LRRC37A2: variants seen among roughly 807,000 people sequenced by gnomAD.
The protein encoded by LRRC37A2 is leucine-rich repeat-containing protein 37A2.
LRRC37A2 carries 9 observed loss-of-function variants against 68.8 expected under a neutral mutation model. The observed-to-expected ratio is 0.13, with a 90% CI of 0.08 to 0.23. The LOEUF (loss-of-function observed/expected upper bound fraction) is 0.23, where lower values mean the gene tolerates loss of function less well. LRRC37A2 is among the 10% of genes least tolerant of loss of function. The probability of loss-of-function intolerance (pLI) is 1.00; values close to 1 mark genes in which losing one functional copy is unlikely to be tolerated. For synonymous variants in LRRC37A2, 63 were observed against 367.6 expected (o/e 0.17, Z 9.48); for missense variants, 168 against 950.4 (o/e 0.18, Z 10.82).
At chr17:46,610,033 C>T in the LRRC37A2 span, among the ~76,000 whole-genome samples, 14 of 91,200 alleles carry the variant, frequency 1.5e-4, no homozygotes, top group African/African-American at 4.4e-4. Context: ...TTCTTTCTCT[C>T]TCTCTCTCTC....
chr17:46,796,251 G>A, the LRRC37A2 span, among the ~76,000 whole-genome samples: 129,274 of 152,266 alleles, frequency 0.85, 55,406 homozygotes, highest in East Asian at 0.94. Flanking sequence ...TAAAGCTTTT[G>A]TCACAGTCCC....
the LRRC37A2 span, among the ~76,000 whole-genome samples, chr17:46,810,274 C>G: frequency 6.6e-6 from 1 of 152,138 alleles, no homozygotes; most frequent in Admixed American, 6.5e-5. Context: ...TCCCAAAGTG[C>G]TGGGATTACA....
chr17:46,739,731 GA>G, the LRRC37A2 span, among the ~76,000 whole-genome samples: 2 of 142,006 alleles, frequency 1.4e-5, no homozygotes, highest in Admixed American at 1.4e-4. Flanking sequence ...CTTTTTTTCT[GA>G]TTTTTTTTTT....
At chr17:46,992,778 G>A in the LRRC37A2 span, among the ~76,000 whole-genome samples, 2 of 148,032 alleles carry the variant, frequency 1.4e-5, no homozygotes, top group African/African-American at 5.1e-5. Context: ...GTTTGAACCT[G>A]GGAGATAGAG....
At chr17:46,739,666 G>T in the LRRC37A2 span, among the ~76,000 whole-genome samples, 1 of 151,678 alleles carries the variant, frequency 6.6e-6, no homozygotes, top group African/African-American at 2.4e-5. Context: ...TTTTCCACCT[G>T]TTGGTACAAA....
At chr17:46,875,410 A>G in the LRRC37A2 span, 1 of 1,541,950 alleles carries the variant, frequency 6.5e-7, no homozygotes, top group Non-Finnish European at 8.8e-7. Flanking sequence ...CCACCAGGGT[A>G]CACAGCTGGG....
At chr17:46,931,662 C>T in the LRRC37A2 span, 1 of 322,188 alleles carries the variant, frequency 3.1e-6, no homozygotes, top group Non-Finnish European at 5.7e-6. Flanking sequence ...CCACCTCCAC[C>T]CCCAGCGCCT....
At chr17:46,854,836 TTTTA>T in the LRRC37A2 span, among the ~76,000 whole-genome samples, 1 of 152,044 alleles carries the variant, frequency 6.6e-6, no homozygotes, top group Non-Finnish European at 1.5e-5. Context: ...ATTTTTGTAT[TTTTA>T]ATAGAGATGG....
chr17:46,989,285 C>G, the LRRC37A2 span, among the ~76,000 whole-genome samples: 2 of 152,190 alleles, frequency 1.3e-5, no homozygotes, highest in African/African-American at 4.8e-5. Context: ...GGGACTACCC[C>G]CTTCGAACAG....
the LRRC37A2 span, among the ~76,000 whole-genome samples, chr17:46,842,326 G>C: frequency 6.6e-6 from 1 of 152,170 alleles, no homozygotes; most frequent in Non-Finnish European, 1.5e-5. Flanking sequence ...TCCTAGGGCA[G>C]GGGCTGCTGC....
At chr17:47,020,805 A>AAAAAAAAAAAAAAG in the LRRC37A2 span, among the ~76,000 whole-genome samples, 1 of 136,526 alleles carries the variant, frequency 7.3e-6, no homozygotes, top group Non-Finnish European at 1.6e-5. Context: ...AAAAAAAAAA[A>AAAAAAAAAAAAAAG]ATAGGAGGGA....
chr17:46,865,694 C>T, the LRRC37A2 span, among the ~76,000 whole-genome samples: 1 of 152,148 alleles, frequency 6.6e-6, no homozygotes, highest in Non-Finnish European at 1.5e-5. Context: ...TGGCCCACTG[C>T]AGCCTTGACC....
the LRRC37A2 span, among the ~76,000 whole-genome samples, chr17:46,490,839 A>T: frequency 6.6e-6 from 1 of 150,776 alleles, no homozygotes. Context: ...TCATTAGGTA[A>T]CCATCTTTGG....
At chr17:46,848,854 G>A in the LRRC37A2 span, among the ~76,000 whole-genome samples, 4 of 152,184 alleles carry the variant, frequency 2.6e-5, no homozygotes, top group African/African-American at 9.7e-5. Flanking sequence ...GTGCAATGGA[G>A]TTATGATTGT....
At chr17:46,978,977 A>G in the LRRC37A2 span, 2 of 1,448,112 alleles carry the variant, frequency 1.4e-6, no homozygotes, top group Non-Finnish European at 1.8e-6. Flanking sequence ...ACCTCCTCCA[A>G]GCCGCTGTGG....
chr17:46,905,998 C>T, the LRRC37A2 span, among the ~76,000 whole-genome samples: 1 of 152,178 alleles, frequency 6.6e-6, no homozygotes, highest in Non-Finnish European at 1.5e-5. Flanking sequence ...TATGGGCTGC[C>T]GACCTTCTCC....
chr17:47,010,152 G>A, the LRRC37A2 span, among the ~76,000 whole-genome samples: 96 of 152,332 alleles, frequency 6.3e-4, no homozygotes, highest in African/African-American at 2.1e-3. Flanking sequence ...GGGGTGGACC[G>A]TGGGATTGGA....
chr17:46,975,248 G>C, the LRRC37A2 span: 1 of 152,176 alleles, frequency 6.6e-6, no homozygotes, highest in African/African-American at 2.4e-5. Context: ...CAAAGTTACA[G>C]AACTAGGAAG....
At chr17:46,817,736 C>T in the LRRC37A2 span, among the ~76,000 whole-genome samples, 16 of 152,088 alleles carry the variant, frequency 1.1e-4, no homozygotes, top group Non-Finnish European at 2.2e-4. Context: ...CTCCCTTTCT[C>T]CTCGGTCCTC....
Sources: gnomAD v4.1 joint callset for allele counts (sites outside exome capture counted in the v4.1 genomes callset) on GRCh38, gnomAD v4.1.1 for gene constraint, MANE v1.5 for transcripts, NCBI Gene and HGNC (gene_info 2026-07-23, HGNC 2026-07-21) for gene names.